ZNF778: variants seen among roughly 807,000 people sequenced by gnomAD.
The protein encoded by ZNF778 is zinc finger protein 778.
Under a neutral mutation model 23.9 loss-of-function variants are expected in ZNF778, and 37 were observed. That is an observed-to-expected ratio of 1.54 (90% CI 1.19 to 2.03). The LOEUF (loss-of-function observed/expected upper bound fraction) is 2.03. Among genes scored for constraint, ZNF778 ranks in the 30% most tolerant of loss-of-function variants. The pLI, the probability that ZNF778 is intolerant of heterozygous loss-of-function variation, is 0.00. For synonymous variants in ZNF778, 483 were observed against 343.9 expected, an observed-to-expected ratio of 1.40 and a Z score of -4.48; for missense variants, 1,297 against 934.4, an observed-to-expected ratio of 1.39 and a Z score of -5.06.
Position 89,228,775 on chromosome 16 carries a change from A to G in ZNF778, c.*213A>G. 4 of 1,361,546 alleles carry G rather than the reference A, an allele frequency of 2.9e-6. No homozygotes were observed. The highest frequency in any genetic ancestry group is 3.8e-6 in the Non-Finnish European group (4 of 1,060,938). 84.3% of individuals were successfully genotyped at this position (1,361,546 alleles called of 1,614,324 possible). On this transcript the variant is annotated 3_prime_UTR_variant, in exon 7 of 7. Coordinates refer to ENST00000433976, the MANE Select transcript of ZNF778 (RefSeq NM_001201407.2). ...TAAGGTCTTGCTGAATATGGATGGT[A>G]TCCAGTAGAGAGAACTCTATTGATG... is the stretch of plus-strand genomic sequence containing the variant.
rs1567506623 is a variant in ZNF778, at chr16:89,227,742, C to A, written c.1454C>A (p.Ser485Tyr). Residue 485 changes from serine (S) to tyrosine (Y), a missense_variant, in exon 7 of 7, where the codon TCC becomes TAC. Coordinates refer to ENST00000433976, the MANE Select transcript of ZNF778 (RefSeq NM_001201407.2). Reference sequence around the variant, plus strand: ...TATGAATGTAAAGATTGTGGGAAATCCTTCACTGTTTCTTCAAGCCTGACT... The same window carrying A: ...TATGAATGTAAAGATTGTGGGAAATACTTCACTGTTTCTTCAAGCCTGACT... ...KPYECKDCGKSFTVSSSLTEH... is the reference protein window; with the variant it reads ...KPYECKDCGKYFTVSSSLTEH... 2 of 1,613,090 alleles carry A rather than the reference C, an allele frequency of 1.2e-6. No homozygotes were observed. The highest frequency in any genetic ancestry group is 3.3e-5 in the Admixed American group (2 of 59,994).
In ZNF778 at chr16:89,227,535, CT is replaced by C; in HGVS notation, c.1248del (p.Gly417GlufsTer2). 1 of 1,614,118 alleles carries C rather than the reference CT, an allele frequency of 6.2e-7. No homozygotes were observed. The highest frequency in any genetic ancestry group is 1.1e-5 in the South Asian group (1 of 91,084). Reference sequence around the variant, plus strand: ...CTTAATAATCATGTTCGAATTCACACTGGAATAAAACCCTATACATGCAGCT... The same window carrying C: ...CTTAATAATCATGTTCGAATTCACACGGAATAAAACCCTATACATGCAGCT... ...SCLNNHVRIH[T>X]GIKPYTCSYC... is the part of the protein sequence containing the mutation. On this transcript the variant is annotated frameshift_variant, in exon 7 of 7. Coordinates refer to ENST00000433976, the MANE Select transcript of ZNF778 (RefSeq NM_001201407.2). LOFTEE classifies it low-confidence loss of function (END_TRUNC).
intron 1 of ZNF778, among the ~76,000 whole-genome samples, chr16:89,218,830 G>T (rs1377652753): frequency 6.6e-6 from 1 of 150,746 alleles, no homozygotes; most frequent in South Asian, 2.1e-4. Flanking sequence ...AAGGTCCGCT[G>T]GGCACAGTGG....
rs767274208 is a variant in ZNF778, at chr16:89,227,186, G to T, written c.898G>T (p.Val300Leu). 8 of 1,613,842 alleles carry T rather than the reference G, an allele frequency of 5.0e-6. No homozygotes were observed. The African/African-American group carries it at 5.3e-5, about 11-fold the overall frequency. ...GTACACTGCCTACCTTACTGGTCGC[G>T]TGCAAGTCCACCCTGGGGAAAAGCC... ...FRYTAYLTGR[V>L]QVHPGEKPCE... Residue 300 changes from valine to leucine, a missense_variant, in exon 7 of 7, where the codon GTG (valine) becomes TTG (leucine). Val to Leu is a conservative substitution (Grantham distance 32). Coordinates refer to ENST00000433976, the MANE Select transcript of ZNF778 (RefSeq NM_001201407.2).
chr16:89,228,748 T>C lies in ZNF778; in HGVS notation c.*186T>C, dbSNP rs2031731566. The stretch of plus-strand genomic sequence containing the variant: ...GACACAGAGAAAGCCCTCAGTGTTC[T>C]CTAAGGTCTTGCTGAATATGGATGG... On this transcript the variant is annotated 3_prime_UTR_variant, in exon 7 of 7. Coordinates refer to ENST00000433976, the MANE Select transcript of ZNF778 (RefSeq NM_001201407.2). The C allele has an allele frequency of 1.4e-6, 2 of 1,402,214 alleles. No homozygotes were observed. The highest frequency in any genetic ancestry group is 6.5e-5 in the Admixed American group (2 of 30,798). The allele number at this position is 1,402,214 out of a possible 1,614,324, so 86.9% of individuals were successfully genotyped here.
rs373809669 is a variant in ZNF778 at position 89,221,092 on chromosome 16, A to T, written c.-36A>T. ...GCCCTGCAGTGGCCTTGGCTTCAGG[A>T]AAGGAGCATTCAGACGCTTCCGTCA... is the stretch of plus-strand genomic sequence containing the variant. On this transcript the variant is annotated 5_prime_UTR_variant, in exon 2 of 7. Transcript: ENST00000433976. 1 of 1,561,420 alleles carries T rather than the reference A, an allele frequency of 6.4e-7. No individual in the cohort carries two copies. Among genetic ancestry groups the T allele is most frequent in the Non-Finnish European group, 8.7e-7 (1 of 1,152,414 alleles).
At chr16:89,225,880 C>G (rs962426263) in intron 6 of ZNF778, among the ~76,000 whole-genome samples, 2 of 150,926 alleles carry the variant, frequency 1.3e-5, no homozygotes, top group Non-Finnish European at 2.9e-5. Context: ...TTTGTGCGCA[C>G]AGACTTTTCG....
rs199891318 is a variant in ZNF778, at chr16:89,223,161, C to A, written c.122C>A (p.Ala41Glu). 4.3e-6 allele frequency: 7 copies of A among 1,612,926 alleles called. No homozygotes were observed. The highest frequency in any genetic ancestry group is 1.3e-5 in the African/African-American group (1 of 74,808). Residue 41 changes from alanine to glutamate, a missense_variant, in exon 4 of 7, where the codon GCG becomes GAG. Transcript: ENST00000433976. Reference protein sequence around the residue: ...AGWLINCYQDAVTFDDVAVDF... With the variant: ...AGWLINCYQDEVTFDDVAVDF... The stretch of plus-strand genomic sequence containing the variant: ...CCGTCATGTGTGATGATTTAGGACG[C>A]GGTGACCTTTGACGACGTGGCTGTG...
chr16:89,233,563 A>C lies in ZNF778; in HGVS notation c.*5001A>C, dbSNP rs1020976415. ...TGCAAATCAACTCACTGCATATGCAACTCAGCTCGCACTGCATATGCAACG... is the reference window on the plus strand; with the variant it reads ...TGCAAATCAACTCACTGCATATGCACCTCAGCTCGCACTGCATATGCAACG... On this transcript the variant is annotated 3_prime_UTR_variant, in exon 7 of 7. Coordinates refer to ENST00000433976, the MANE Select transcript of ZNF778 (RefSeq NM_001201407.2). 2.3e-6 allele frequency: 3 copies of C among 1,280,688 alleles called. No individual in the cohort carries two copies. The highest frequency in any genetic ancestry group is 2.4e-5 in the Admixed American group (1 of 42,304). The allele number at this position is 1,280,688 out of a possible 1,614,324, so 79.3% of individuals were successfully genotyped here.
intron 3 of ZNF778, among the ~76,000 whole-genome samples, chr16:89,222,879 C>T (rs551257666): frequency 2.7e-5 from 4 of 148,766 alleles, no homozygotes; most frequent in Admixed American, 1.4e-4. Context: ...TTAGAGGTGT[C>T]GTTGCGGCCG....
At position 89,227,243 on chromosome 16, in the gene ZNF778, CCT is replaced by C. The variant is rs781323657; in HGVS notation, c.956_957del (p.Pro319ArgfsTer19). 3.7e-5 allele frequency: 60 copies of C among 1,613,452 alleles called. No individual in the cohort carries two copies. The highest frequency in any genetic ancestry group is 5.0e-5 in the Non-Finnish European group (59 of 1,179,460). On this transcript the variant is annotated frameshift_variant, in exon 7 of 7. Coordinates refer to ENST00000433976, the MANE Select transcript of ZNF778 (RefSeq NM_001201407.2). LOFTEE classifies it low-confidence loss of function (END_TRUNC). ...ATTGGAAGAATGTGGAAAAGCCTCC[CCT>C]GTTTCTTCCAGCCTAACTCAACATG... ...CELEECGKAS[P>X]VSSSLTQHVR...
At chr16:89,220,584 G>T (rs1356299062) in intron 1 of ZNF778, among the ~76,000 whole-genome samples, 1 of 152,156 alleles carries the variant, frequency 6.6e-6, no homozygotes, top group Admixed American at 6.5e-5. Context: ...CTTGAACCTG[G>T]GAGGCAGAGG....
At position 89,233,675 on chromosome 16, in the gene ZNF778, TA is replaced by T; in HGVS notation, c.*5114del. 7.8e-7 allele frequency: 1 copy of T among 1,285,508 alleles called. No homozygotes were observed. The highest frequency in any genetic ancestry group is 1.0e-6 in the Non-Finnish European group (1 of 987,710). The allele number at this position is 1,285,508 out of a possible 1,614,324, so 79.6% of individuals were successfully genotyped here. On this transcript the variant is annotated 3_prime_UTR_variant, in exon 7 of 7. Transcript: ENST00000433976. ...CATATGCAATTCAACTCGCACTGCG[TA>T]TGCAAATCAACTTACTGCATATGCA...
In ZNF778 at chr16:89,232,941, C is replaced by T. The variant is rs559232989; in HGVS notation, c.*4379C>T. On this transcript the variant is annotated 3_prime_UTR_variant, in exon 7 of 7. Coordinates refer to ENST00000433976, the MANE Select transcript of ZNF778 (RefSeq NM_001201407.2). ...ACTGCGTATGCGAATCCACTCACTG[C>T]CTATGCAACTCAGCTCGCTCTGCGT... is the stretch of plus-strand genomic sequence containing the variant. 243 of 1,242,906 alleles carry T rather than the reference C, an allele frequency of 2.0e-4. 2 individuals carry two copies. In the African/African-American group the frequency reaches 4.0e-3, roughly 20 times the overall value. 77.0% of individuals were successfully genotyped at this position (1,242,906 alleles called of 1,614,324 possible). A position where few individuals can be genotyped will look rare whatever the true frequency, so the allele number is the denominator to read the frequency against.
In ZNF778 at chr16:89,218,655, G is replaced by A. The variant is rs1316680203; in HGVS notation, c.-132+745G>A. Among the ~76,000 whole-genome samples the A allele has an allele frequency of 2.0e-5, 3 of 152,146 alleles. No individual in the cohort carries two copies. In the East Asian group the frequency reaches 5.8e-4, roughly 29 times the overall value. ...AAATACAAAAAATTAGCCGGGCGTG[G>A]TGGCGGGCTCCTGTAGTCCCAGCTA... On this transcript the variant is annotated intron_variant, in intron 1 of 6. Coordinates refer to ENST00000433976, the MANE Select transcript of ZNF778 (RefSeq NM_001201407.2).
Position 89,226,708 on chromosome 16 carries a change from T to C in ZNF778, c.420T>C (p.Asn140=). ...TTCACCAACAGGCAAGAAGCCACAA[T>C]GGAGGGCAGCTCTGTGACCGCACGC... ...SNETQTARSH[N]GGQLCDRTQC... Residue 140 remains asparagine (N), a synonymous_variant, in exon 7 of 7, where the codon AAT becomes AAC. Coordinates refer to ENST00000433976, the MANE Select transcript of ZNF778 (RefSeq NM_001201407.2). 1.2e-6 allele frequency: 2 copies of C among 1,610,758 alleles called. No homozygotes were observed. Among genetic ancestry groups the C allele is most frequent in the Non-Finnish European group, 1.7e-6 (2 of 1,177,542 alleles).
Position 89,223,237 on chromosome 16 carries a change from C to G in ZNF778, c.198C>G (p.Leu66=). ...TACTGGACCCATCTCAGAGAGACCTCTACAGAGATGTGATGCTGGAAAACT... is the reference window on the plus strand; with the variant it reads ...TACTGGACCCATCTCAGAGAGACCTGTACAGAGATGTGATGCTGGAAAACT... The part of the protein sequence containing the change: ...WTLLDPSQRD[L]YRDVMLENYE... The change falls in exon 4 of 7, where the codon CTC becomes CTG. Residue 66 remains leucine, a synonymous_variant. Transcript: ENST00000433976. 1.2e-6 allele frequency: 2 copies of G among 1,614,010 alleles called. No homozygotes were observed. The highest frequency in any genetic ancestry group is 1.7e-6 in the Non-Finnish European group (2 of 1,179,962).
chr16:89,232,771 A>T lies in ZNF778; in HGVS notation c.*4209A>T. On this transcript the variant is annotated 3_prime_UTR_variant, in exon 7 of 7. Coordinates refer to ENST00000433976, the MANE Select transcript of ZNF778 (RefSeq NM_001201407.2). ...GCTGGAAACATGCACTGCATATACA[A>T]ATCAACTCACTGCATATGCACATCA... is the stretch of plus-strand genomic sequence containing the variant. 1 of 1,288,380 alleles carries T rather than the reference A, an allele frequency of 7.8e-7. No homozygotes were observed. Among genetic ancestry groups the T allele is most frequent in the Non-Finnish European group, 1.0e-6 (1 of 988,296 alleles). The allele number at this position is 1,288,380 out of a possible 1,614,324, so 79.8% of individuals were successfully genotyped here. A position where few individuals can be genotyped will look rare whatever the true frequency, so the allele number is the denominator to read the frequency against.
chr16:89,233,620 C>T lies in ZNF778; in HGVS notation c.*5058C>T. ...AACTCATACTGCATATGCAACTCAA[C>T]TCACACTGTATGCAACTCAGCTCGC... On this transcript the variant is annotated 3_prime_UTR_variant, in exon 7 of 7. Transcript: ENST00000433976. 22 of 1,136,040 alleles carry T rather than the reference C, an allele frequency of 1.9e-5. No homozygotes were observed. Among genetic ancestry groups the T allele is most frequent in the Non-Finnish European group, 2.5e-5 (22 of 866,754 alleles). The allele number at this position is 1,136,040 out of a possible 1,614,324, so 70.4% of individuals were successfully genotyped here.
Sources: gnomAD v4.1 joint callset for allele counts (sites outside exome capture counted in the v4.1 genomes callset) on GRCh38, gnomAD v4.1.1 for gene constraint, MANE v1.5 for transcripts, NCBI Gene and HGNC (gene_info 2026-07-23, HGNC 2026-07-21) for gene names.